Variants in KYAT3 observed in about 807,000 individuals in gnomAD.
KYAT3 encodes kynurenine aminotransferase 3, also known as kynurenine--oxoglutarate transaminase 3.
A neutral mutation model predicts 59.0 loss-of-function variants in KYAT3; 50 were observed. That is an observed-to-expected ratio of 0.85 (90% CI 0.68 to 1.07). KYAT3 has a LOEUF of 1.07. Among genes scored for constraint, KYAT3 ranks in the 50% least tolerant of loss-of-function variants. The pLI, the probability that KYAT3 is intolerant of heterozygous loss-of-function variation, is 0.00. For missense variants in KYAT3, 497 were observed against 533.3 expected, an observed-to-expected ratio of 0.93 and a Z score of 0.67; for synonymous variants, 148 against 177.0, an observed-to-expected ratio of 0.84 and a Z score of 1.30.
chr1:88,963,029 T>A (rs1676208026), intron 5 of KYAT3, among the ~76,000 whole-genome samples: 1 of 151,874 alleles, frequency 6.6e-6, no homozygotes, highest in African/African-American at 2.4e-5. Context: ...CCTCACTATT[T>A]TAGGTGCTGG....
intron 2 of KYAT3, among the ~76,000 whole-genome samples, chr1:88,985,918 T>G (rs2101092841): frequency 6.6e-6 from 1 of 152,210 alleles, no homozygotes; most frequent in East Asian, 1.9e-4. Flanking sequence ...CAGTGACTCA[T>G]GCCTGTAATC....
chr1:88,922,526 A>G, the KYAT3 span, among the ~76,000 whole-genome samples: 1 of 152,194 alleles, frequency 6.6e-6, no homozygotes, highest in East Asian at 1.9e-4. Context: ...CAGTGGTGGC[A>G]TTAGAGTCTC....
chr1:88,974,061 A>T (rs1186669979), intron 2 of KYAT3, among the ~76,000 whole-genome samples: 2 of 152,134 alleles, frequency 1.3e-5, no homozygotes, highest in African/African-American at 4.8e-5. Context: ...AACTGCAAGA[A>T]AAGGCCAGAA....
intron 2 of KYAT3, chr1:88,981,875 C>T (rs937561907): frequency 3.9e-6 from 3 of 776,204 alleles, no homozygotes; most frequent in African/African-American, 1.9e-5. Context: ...CTATTTTCTC[C>T]TTTGCAATCA....
At chr1:88,945,157 G>A (rs1346030127) in intron 11 of KYAT3, among the ~76,000 whole-genome samples, 5 of 152,030 alleles carry the variant, frequency 3.3e-5, no homozygotes, top group East Asian at 1.9e-4. Context: ...AAAAAGTAAC[G>A]TAATACCATG....
the KYAT3 span, among the ~76,000 whole-genome samples, chr1:88,930,093 G>A: frequency 6.6e-6 from 1 of 152,200 alleles, no homozygotes; most frequent in Non-Finnish European, 1.5e-5. Context: ...ACACAGGTCC[G>A]AGGGATCAGC....
At chr1:88,982,659 A>G in intron 2 of KYAT3, 4 of 1,596,696 alleles carry the variant, frequency 2.5e-6, no homozygotes, top group Middle Eastern at 1.7e-4. Context: ...TGTTTCTAGT[A>G]TCTGCTTCTG....
At chr1:88,991,025 G>A (rs934915406) in intron 1 of KYAT3, among the ~76,000 whole-genome samples, 3 of 152,132 alleles carry the variant, frequency 2.0e-5, no homozygotes, top group Non-Finnish European at 2.9e-5. Flanking sequence ...TATGAATCAG[G>A]ATGATCTACG....
chr1:88,944,845 T>C (rs1208847320), intron 11 of KYAT3, among the ~76,000 whole-genome samples: 1 of 152,164 alleles, frequency 6.6e-6, no homozygotes, highest in African/African-American at 2.4e-5. Flanking sequence ...GGAATTTATT[T>C]ATTTATTTAT....
chr1:88,986,353 C>T lies in KYAT3; in HGVS notation c.99+1899G>A, dbSNP rs114344939. ...TAATAGACTATTTTAGGGCCAGGCG[C>T]GGTGGCTCACGCCTGTAATCCCAGC... On this transcript the variant is annotated intron_variant, in intron 2 of 13. Coordinates refer to ENST00000260508, the MANE Select transcript of KYAT3 (RefSeq NM_001008661.3). Among the ~76,000 whole-genome samples, 1,451 of 151,208 alleles carry T rather than the reference C, an allele frequency of 9.6e-3. 21 individuals are homozygous for T. The highest frequency in any genetic ancestry group is 0.033 in the African/African-American group (1,376 of 41,242).
At chr1:88,990,280 A>AAAAC (rs1677707400) in intron 1 of KYAT3, among the ~76,000 whole-genome samples, 1 of 148,842 alleles carries the variant, frequency 6.7e-6, no homozygotes. Flanking sequence ...AAAAACATAA[A>AAAAC]AAACAAACAA....
chr1:88,985,378 G>C (rs1407507936), intron 2 of KYAT3, among the ~76,000 whole-genome samples: 2 of 152,174 alleles, frequency 1.3e-5, no homozygotes, highest in African/African-American at 4.8e-5. Flanking sequence ...TAGAAGTTTG[G>C]GTTTGAGGCT....
intron 5 of KYAT3, among the ~76,000 whole-genome samples, chr1:88,963,931 GGTGGCTCACGCCTGTAATCCC>G (rs1676241205): frequency 6.6e-6 from 1 of 152,184 alleles, no homozygotes; most frequent in South Asian, 2.1e-4. Flanking sequence ...AGCTGGGCGT[GGTGGCTCACGCCTGTAATCCC>G]AGCACTTTGG....
chr1:88,935,201 C>A (rs1169271526), downstream of KYAT3, among the ~76,000 whole-genome samples: 2 of 150,558 alleles, frequency 1.3e-5, no homozygotes, highest in Non-Finnish European at 3.0e-5. Flanking sequence ...TGGGGCTTCA[C>A]CATGTTGGCC....
chr1:88,926,645 C>A, the KYAT3 span, among the ~76,000 whole-genome samples: 1 of 152,134 alleles, frequency 6.6e-6, no homozygotes, highest in African/African-American at 2.4e-5. Context: ...TCCCAGGAGA[C>A]TGAGGGAAAA....
At chr1:88,977,147 T>A (rs1349208888) in intron 2 of KYAT3, among the ~76,000 whole-genome samples, 1 of 152,218 alleles carries the variant, frequency 6.6e-6, no homozygotes, top group Non-Finnish European at 1.5e-5. Context: ...CCTGAGTAGC[T>A]GGGACTACAG....
chr1:88,935,856 T>C lies in KYAT3; in HGVS notation c.*327A>G. 2.4e-6 allele frequency: 1 copy of C among 408,706 alleles called. No individual in the cohort carries two copies. The highest frequency in any genetic ancestry group is 4.3e-6 in the Non-Finnish European group (1 of 231,196). The allele number at this position is 408,706 out of a possible 1,614,324, so 25.3% of individuals were successfully genotyped here. On this transcript the variant is annotated 3_prime_UTR_variant, in exon 14 of 14. Transcript: ENST00000260508. ...ATTTAATTCTCAGAAACGACCTTCA[T>C]ATGAAACAGGTACTGATTTTATTCC... is the stretch of plus-strand genomic sequence containing the variant.
At chr1:88,935,717 A>C, downstream of KYAT3, 1 of 315,356 alleles carries the variant, frequency 3.2e-6, no homozygotes, top group Non-Finnish European at 5.7e-6. Context: ...AAACAAATAG[A>C]TGTGGTTGAG....
the KYAT3 span, among the ~76,000 whole-genome samples, chr1:88,924,441 A>AGAT: frequency 6.6e-6 from 1 of 152,016 alleles, no homozygotes; most frequent in Non-Finnish European, 1.5e-5. Context: ...GCCTTTCCTT[A>AGAT]ATAAACCTCT....
Sources: allele counts gnomAD v4.1 joint callset (sites outside exome capture counted in the v4.1 genomes callset), GRCh38; gene constraint gnomAD v4.1.1; transcripts MANE v1.5; gene names NCBI Gene and HGNC (gene_info 2026-07-23, HGNC 2026-07-21).